Variants in RIT2 observed in about 807,000 individuals in gnomAD.
RIT2 encodes the protein GTP-binding protein Rit2.
RIT2 carries 24 observed loss-of-function variants against 23.7 expected under a neutral mutation model. That is an observed-to-expected ratio of 1.01 (90% CI 0.73 to 1.43). The LOEUF (loss-of-function observed/expected upper bound fraction) is 1.43. Among genes scored for constraint, RIT2 ranks in the 40% most tolerant of loss-of-function variants. RIT2 has a pLI of 0.00. For synonymous variants in RIT2, 107 were observed against 91.1 expected (o/e 1.17, Z -0.99); for missense variants, 236 against 266.9 (o/e 0.88, Z 0.81).
intron 1 of RIT2, among the ~76,000 whole-genome samples, chr18:43,082,985 C>T (rs1036755392): frequency 7.2e-5 from 11 of 152,104 alleles, no homozygotes; most frequent in African/African-American, 2.2e-4. Context: ...AAAACCCTAT[C>T]GTCTCAGCCC....
chr18:43,092,649 A>G (rs1397088743), intron 1 of RIT2, among the ~76,000 whole-genome samples: 1 of 152,054 alleles, frequency 6.6e-6, no homozygotes, highest in Non-Finnish European at 1.5e-5. Context: ...ATGGTTGCCA[A>G]TAGGAGCCCC....
In RIT2 at chr18:42,909,990, G is replaced by A. The variant is rs138169855; in HGVS notation, c.426+13582C>T. ...ATGATTGAGACAATTATACCTGAAA[G>A]CGGTTAAGGGGATCTAAATTGAAGT... On this transcript the variant is annotated intron_variant, in intron 4 of 4. Transcript: ENST00000326695. Among the ~76,000 whole-genome samples the A allele has an allele frequency of 2.9e-3, 436 of 152,200 alleles. 3 individuals carry two copies. Among genetic ancestry groups the A allele is most frequent in the African/African-American group, 0.01 (417 of 41,550 alleles).
At chr18:42,920,753 A>C in intron 4 of RIT2, 1 of 1,594,822 alleles carries the variant, frequency 6.3e-7, no homozygotes, top group Non-Finnish European at 8.5e-7. Context: ...AAACTCTTTC[A>C]GTGTAGGCTG....
At chr18:42,927,633 T>C (rs1277972181) in intron 3 of RIT2, among the ~76,000 whole-genome samples, 1 of 152,010 alleles carries the variant, frequency 6.6e-6, no homozygotes, top group Non-Finnish European at 1.5e-5. Flanking sequence ...CTCCCTGCTA[T>C]AAATGAAACT....
chr18:43,004,672 T>A (rs112769980), intron 2 of RIT2, among the ~76,000 whole-genome samples: 2 of 151,854 alleles, frequency 1.3e-5, no homozygotes, highest in African/African-American at 4.8e-5. Flanking sequence ...TGCTTCATAC[T>A]CATCCTCCAG....
At chr18:43,007,216 T>G (rs1751423688) in intron 2 of RIT2, among the ~76,000 whole-genome samples, 1 of 151,740 alleles carries the variant, frequency 6.6e-6, no homozygotes, top group African/African-American at 2.4e-5. Flanking sequence ...TAAGTAGGGA[T>G]AAGCATTAAA....
At chr18:42,940,544 G>A (rs1909577097) in intron 3 of RIT2, among the ~76,000 whole-genome samples, 1 of 151,650 alleles carries the variant, frequency 6.6e-6, no homozygotes, top group South Asian at 2.1e-4. Flanking sequence ...TTCAATGTAA[G>A]TAAGAATGTA....
At chr18:43,113,091 A>G (rs2144255797) in intron 1 of RIT2, among the ~76,000 whole-genome samples, 1 of 152,282 alleles carries the variant, frequency 6.6e-6, no homozygotes, top group African/African-American at 2.4e-5. Flanking sequence ...GATAAAATAA[A>G]CCATGTATAT....
intron 2 of RIT2, among the ~76,000 whole-genome samples, chr18:42,984,877 G>C (rs1910675487): frequency 6.6e-6 from 1 of 151,828 alleles, no homozygotes; most frequent in Non-Finnish European, 1.5e-5. Flanking sequence ...TACAAGATAA[G>C]AATACTCAGT....
intron 2 of RIT2, 28 bp downstream of exon 2, chr18:43,033,783 C>A (rs1368640442): frequency 6.6e-7 from 1 of 1,521,886 alleles, no homozygotes; most frequent in South Asian, 1.1e-5. Context: ...TTTATTTGAG[C>A]TTACGGAGAA....
At chr18:42,915,944 A>T (rs533785848) in intron 4 of RIT2, among the ~76,000 whole-genome samples, 2 of 151,820 alleles carry the variant, frequency 1.3e-5, no homozygotes, top group South Asian at 2.1e-4. Context: ...GTGTATATAT[A>T]TTTTTTTCTT....
intron 1 of RIT2, among the ~76,000 whole-genome samples, chr18:43,047,374 A>T (rs1466411954): frequency 6.6e-6 from 1 of 152,132 alleles, no homozygotes; most frequent in Non-Finnish European, 1.5e-5. Flanking sequence ...ATCAAATTAT[A>T]GAATTAAAAA....
intron 2 of RIT2, among the ~76,000 whole-genome samples, chr18:42,980,167 C>T (rs538005135): frequency 1.8e-4 from 27 of 152,088 alleles, no homozygotes; most frequent in African/African-American, 3.9e-4. Context: ...GTTTGTGGGA[C>T]GACTCAGGGC....
At chr18:43,009,929 G>T (rs911245213) in intron 2 of RIT2, among the ~76,000 whole-genome samples, 4 of 151,632 alleles carry the variant, frequency 2.6e-5, no homozygotes, top group African/African-American at 9.7e-5. Flanking sequence ...ACTCTGTCAT[G>T]TTCCCCTTAT....
chr18:42,839,345 T>A (rs1173529463), intron 4 of RIT2, among the ~76,000 whole-genome samples: 1 of 152,148 alleles, frequency 6.6e-6, no homozygotes, highest in East Asian at 1.9e-4. Flanking sequence ...ATGAGAATAC[T>A]GGACTTTGCT....
chr18:42,801,826 A>G (rs983389838), intron 4 of RIT2, among the ~76,000 whole-genome samples: 1 of 152,152 alleles, frequency 6.6e-6, no homozygotes, highest in African/African-American at 2.4e-5. Flanking sequence ...GTTTCCCATG[A>G]TGCTGTTTTA....
chr18:42,808,218 G>C (rs1905738885), intron 4 of RIT2, among the ~76,000 whole-genome samples: 1 of 152,166 alleles, frequency 6.6e-6, no homozygotes, highest in Non-Finnish European at 1.5e-5. Context: ...AGTTACTGCT[G>C]AGAAGAACTA....
intron 1 of RIT2, among the ~76,000 whole-genome samples, chr18:43,096,934 T>C (rs1488251001): frequency 2.6e-5 from 4 of 151,808 alleles, no homozygotes; most frequent in African/African-American, 4.8e-5. Flanking sequence ...GAGAGAAAAA[T>C]GTAATGAAGG....
rs191300115 is a variant in RIT2, at chr18:43,078,259, C to G, written c.103+37158G>C. On this transcript the variant is annotated intron_variant, in intron 1 of 4. Coordinates refer to ENST00000326695, the MANE Select transcript of RIT2 (RefSeq NM_002930.4). ...ATTCCTCTATCCACATCTCCATTCT[C>G]TACAAACCTAAACTCTCCACAGGTT... Among the ~76,000 whole-genome samples, 3 of 152,300 alleles carry G rather than the reference C, an allele frequency of 2.0e-5. No homozygotes were observed. In the East Asian group the frequency reaches 5.8e-4, roughly 29 times the overall value.
Sources: allele counts gnomAD v4.1 joint callset (sites outside exome capture counted in the v4.1 genomes callset), GRCh38; gene constraint gnomAD v4.1.1; transcripts MANE v1.5; gene names NCBI Gene and HGNC (gene_info 2026-07-23, HGNC 2026-07-21).